Variants in LRP1B observed in about 807,000 individuals in gnomAD.
LRP1B encodes low-density lipoprotein receptor-related protein 1B.
In LRP1B, 217 loss-of-function variants were observed where a neutral mutation model predicts 556.6. That is an observed-to-expected ratio of 0.39 (90% CI 0.35 to 0.44). The LOEUF (loss-of-function observed/expected upper bound fraction) is 0.44, where lower values mean the gene tolerates loss of function less well. LRP1B is among the 20% of genes least tolerant of loss of function. The probability of loss-of-function intolerance (pLI) is 1.00; values close to 1 mark genes in which losing one functional copy is unlikely to be tolerated. For missense variants in LRP1B, 5,053 were observed against 5,620.8 expected, an observed-to-expected ratio of 0.90 and a Z score of 3.23; for synonymous variants, 2,047 against 1,865.8, an observed-to-expected ratio of 1.10 and a Z score of -2.50.
At chr2:140,537,135 C>A (rs1371294694) in intron 45 of LRP1B, among the ~76,000 whole-genome samples, 2 of 149,768 alleles carry the variant, frequency 1.3e-5, no homozygotes, top group Non-Finnish European at 3.0e-5. Flanking sequence ...CTTGCCACTG[C>A]ACTCCAGCCT....
intron 3 of LRP1B, among the ~76,000 whole-genome samples, chr2:141,306,838 T>A (rs1686609836): frequency 6.6e-6 from 1 of 152,146 alleles, no homozygotes; most frequent in Admixed American, 6.5e-5. Flanking sequence ...AATTTTTTTA[T>A]TTTCTCCTTA....
At chr2:141,032,756 G>A (rs1018344402) in intron 11 of LRP1B, among the ~76,000 whole-genome samples, 1 of 146,880 alleles carries the variant, frequency 6.8e-6, no homozygotes, top group Non-Finnish European at 1.5e-5. Flanking sequence ...TGCTCATAAT[G>A]CCTTTTTCAT....
chr2:141,787,093 A>G (rs1291512552), intron 2 of LRP1B, among the ~76,000 whole-genome samples: 1 of 151,946 alleles, frequency 6.6e-6, no homozygotes, highest in Non-Finnish European at 1.5e-5. Flanking sequence ...GGATAATATC[A>G]AGTGCTGGTA....
chr2:140,317,616 T>C (rs114019781), intron 82 of LRP1B, among the ~76,000 whole-genome samples: 109 of 152,254 alleles, frequency 7.2e-4, no homozygotes, highest in African/African-American at 2.5e-3. Flanking sequence ...AGTGGAAATA[T>C]GCTTGTTTAA....
chr2:140,594,690 G>A (rs1413676798), intron 43 of LRP1B, among the ~76,000 whole-genome samples: 1 of 151,950 alleles, frequency 6.6e-6, no homozygotes, highest in African/African-American at 2.4e-5. Flanking sequence ...CACTCCCCTG[G>A]GGATATCTGA....
chr2:142,096,521 T>C (rs1204865147), intron 1 of LRP1B, among the ~76,000 whole-genome samples: 1 of 151,534 alleles, frequency 6.6e-6, no homozygotes, highest in Admixed American at 6.6e-5. Flanking sequence ...TGAATCTATT[T>C]GTTCCACTAA....
At chr2:141,058,735 T>G (rs2105462084) in intron 9 of LRP1B, 148 bp downstream of exon 9, 1 of 492,698 alleles carries the variant, frequency 2.0e-6, no homozygotes, top group Non-Finnish European at 3.4e-6. Context: ...ACGGGAGCTC[T>G]ATTCCATTTA....
intron 20 of LRP1B, among the ~76,000 whole-genome samples, chr2:140,939,450 A>C (rs1182142157): frequency 1.3e-5 from 2 of 149,564 alleles, no homozygotes; most frequent in African/African-American, 4.9e-5. Context: ...TGGATTTGGA[A>C]ACTTGTTAAA....
chr2:140,799,909 G>A (rs12691574), intron 32 of LRP1B, among the ~76,000 whole-genome samples: 39,309 of 151,908 alleles, frequency 0.26, 5,394 homozygotes, highest in South Asian at 0.33. Flanking sequence ...GACAGTGGGT[G>A]CAGGACAGTG....
intron 1 of LRP1B, among the ~76,000 whole-genome samples, chr2:141,891,130 GTTTTC>G (rs1699278778): frequency 6.6e-6 from 1 of 151,788 alleles, no homozygotes; most frequent in Admixed American, 6.6e-5. Flanking sequence ...TCTCCCTCTT[GTTTTC>G]TTTTCCTTTT....
At chr2:140,889,151 G>A (rs1693728131) in intron 23 of LRP1B, among the ~76,000 whole-genome samples, 1 of 152,134 alleles carries the variant, frequency 6.6e-6, no homozygotes, top group Non-Finnish European at 1.5e-5. Context: ...CTAGTCCATA[G>A]TGAAGTCACA....
chr2:141,704,778 C>T (rs535245530), intron 2 of LRP1B, among the ~76,000 whole-genome samples: 112 of 152,058 alleles, frequency 7.4e-4, no homozygotes, highest in Non-Finnish European at 1.1e-3. Flanking sequence ...CCATATCTTC[C>T]CATGTCATCA....
intron 3 of LRP1B, among the ~76,000 whole-genome samples, chr2:141,421,461 G>A (rs1394544573): frequency 1.3e-5 from 2 of 150,066 alleles, no homozygotes; most frequent in East Asian, 2.0e-4. Flanking sequence ...CCCGGGAGGC[G>A]GAGCTTGCAG....
chr2:140,681,940 T>C (rs532644523), intron 41 of LRP1B, among the ~76,000 whole-genome samples: 26 of 152,162 alleles, frequency 1.7e-4, no homozygotes, highest in African/African-American at 3.1e-4. Flanking sequence ...AGAAATTTCA[T>C]GAATGGGAGA....
intron 11 of LRP1B, among the ~76,000 whole-genome samples, chr2:141,034,680 T>A (rs1698477485): frequency 6.7e-6 from 1 of 150,166 alleles, no homozygotes; most frequent in East Asian, 2.0e-4. Context: ...CCAGTTAGAA[T>A]GGCAATCATT....
chr2:141,175,639 G>C (rs1023225577), intron 7 of LRP1B, among the ~76,000 whole-genome samples: 1 of 152,150 alleles, frequency 6.6e-6, no homozygotes, highest in Non-Finnish European at 1.5e-5. Flanking sequence ...CCCTCATGGA[G>C]AACCTCTACT....
intron 3 of LRP1B, among the ~76,000 whole-genome samples, chr2:141,423,825 T>TAAA (rs34237592): frequency 6.7e-6 from 1 of 149,482 alleles, no homozygotes; most frequent in Non-Finnish European, 1.5e-5. Context: ...CCCTGTCTAT[T>TAAA]AAAAAAAAAA....
At chr2:141,700,916 T>G (rs1262813102) in intron 2 of LRP1B, among the ~76,000 whole-genome samples, 1 of 151,858 alleles carries the variant, frequency 6.6e-6, no homozygotes, top group Non-Finnish European at 1.5e-5. Context: ...TCAAATTTCC[T>G]TCTGATGTCC....
chr2:140,427,913 G>C (rs755823163), intron 66 of LRP1B, among the ~76,000 whole-genome samples: 2 of 152,022 alleles, frequency 1.3e-5, no homozygotes, highest in Non-Finnish European at 2.9e-5. Context: ...GTTTCATGCC[G>C]TGACTAGCCC....
Sources: gnomAD v4.1 joint callset for allele counts (sites outside exome capture counted in the v4.1 genomes callset) on GRCh38, gnomAD v4.1.1 for gene constraint, MANE v1.5 for transcripts, NCBI Gene and HGNC (gene_info 2026-07-23, HGNC 2026-07-21) for gene names.